The following ACIN1 variants were observed in gnomAD, a reference collection of about 807,000 sequenced individuals.
The protein encoded by ACIN1 is apoptotic chromatin condensation inducer in the nucleus.
In ACIN1, 16 loss-of-function variants were observed where a neutral mutation model predicts 146.6. The observed-to-expected ratio is 0.11, with a 90% CI of 0.07 to 0.17. ACIN1 has a LOEUF of 0.17. Ranked by LOEUF, ACIN1 falls within the 10% of genes least tolerant of loss-of-function variation. The pLI is 1.00. For missense variants in ACIN1, 1,357 were observed against 1,609.3 expected (o/e 0.84, Z 2.68); for synonymous variants, 569 against 582.7 (o/e 0.98, Z 0.34).
chr14:23,061,484 G>T lies in ACIN1; in HGVS notation c.3238C>A (p.Gln1080Lys). Residue 1080 changes from glutamine to lysine, a missense_variant, in exon 17 of 19, where the codon CAG becomes AAG. By Grantham distance (53) the Gln-to-Lys change is moderately conservative. Coordinates refer to ENST00000605057, the MANE Select transcript of ACIN1 (RefSeq NM_001386863.1). ...PQHPRAEQRE[Q>K]ERAVREQWAE... The stretch of plus-strand genomic sequence containing the variant: ...CACTGTTCCCGCACTGCCCGTTCCT[G>T]CTCCCGCTGCTCTGCCCGGGGGTGC... The T allele has an allele frequency of 6.3e-7, 1 of 1,575,944 alleles. No individual in the cohort carries two copies. Among genetic ancestry groups the T allele is most frequent in the Non-Finnish European group, 8.6e-7 (1 of 1,159,158 alleles).
chr14:23,085,246 A>C (rs1056419304), intron 4 of ACIN1, among the ~76,000 whole-genome samples: 3 of 152,038 alleles, frequency 2.0e-5, no homozygotes, highest in African/African-American at 7.2e-5. Flanking sequence ...GAGGCAGGAG[A>C]ACGGCGTGAA....
chr14:23,059,208 C>T lies in ACIN1; in HGVS notation c.3792G>A (p.Lys1264=). Residue 1264 remains lysine, a synonymous_variant, in exon 19 of 19, where the codon AAG becomes AAA. Coordinates refer to ENST00000605057, the MANE Select transcript of ACIN1 (RefSeq NM_001386863.1). ...TCCGACTCCGGCTTCTGCTGTGGCG[C>T]TTGGTGTCCCTGCGATCCCTTTCCC... ...RGRERDRRDT[K]RHSRSRSRST... 1 of 1,614,008 alleles carries T rather than the reference C, an allele frequency of 6.2e-7. No homozygotes were observed. Among genetic ancestry groups the T allele is most frequent in the Non-Finnish European group, 8.5e-7 (1 of 1,180,008 alleles).
Position 23,068,457 on chromosome 14 carries a change from T to C in ACIN1, c.2265+1019A>G. On this transcript the variant is annotated intron_variant, in intron 9 of 18. Transcript: ENST00000605057. The surrounding 1 kb of genome is among the most constrained non-coding windows in gnomAD (Gnocchi z 4.3). ...AAGTCTCTCCAGAACAGTGTTCTTC[T>C]TGGCCCCCTGATGTAAGCAAGACAG... 2.0e-6 allele frequency: 2 copies of C among 985,940 alleles called. No homozygotes were observed. The highest frequency in any genetic ancestry group is 2.4e-6 in the Non-Finnish European group (2 of 829,956). The allele number at this position is 985,940 out of a possible 1,614,324, so 61.1% of individuals were successfully genotyped here.
rs138326972 is a variant in ACIN1, at chr14:23,080,002, G to C, written c.1333C>G (p.Leu445Val). Reference sequence around the variant, plus strand: ...TCAGCCAGTGTGCTTTTCTGAACCAGAGGCAGGACACTCTCCTCTGGCACT... The same window carrying C: ...TCAGCCAGTGTGCTTTTCTGAACCACAGGCAGGACACTCTCCTCTGGCACT... The part of the protein sequence containing the change: ...EKVPEESVLP[L>V]VQKSTLADYS... The change falls in exon 6 of 19, where the codon CTG becomes GTG. Residue 445 changes from leucine (L) to valine (V), a missense_variant. Around this residue, in one of 4 missense-constraint regions of ACIN1, gnomAD observed 771 missense variants for 746.6 expected, o/e 1.03. Transcript: ENST00000605057. The C allele has an allele frequency of 1.8e-4, 287 of 1,614,110 alleles. 3 individuals are homozygous for C. The highest frequency in any genetic ancestry group is 6.6e-4 in the Middle Eastern group (4 of 6,056).
At position 23,074,175 on chromosome 14, in the gene ACIN1, G is replaced by T. The variant is rs144152949; in HGVS notation, c.2123+3976C>A. ...TTTTTAAGAATAAGAATCTTACCACGTTCTCCTTTACCCTCTTAAGACACA... is the reference window on the plus strand; with the variant it reads ...TTTTTAAGAATAAGAATCTTACCACTTTCTCCTTTACCCTCTTAAGACACA... On this transcript the variant is annotated intron_variant, in intron 8 of 18. Coordinates refer to ENST00000605057, the MANE Select transcript of ACIN1 (RefSeq NM_001386863.1). 9.4e-4 allele frequency among the ~76,000 whole-genome samples: 142 copies of T among 151,578 alleles called. 1 individual carries two copies. Among genetic ancestry groups the T allele is most frequent in the African/African-American group, 3.1e-3 (130 of 41,360 alleles).
rs142475412 is a variant in ACIN1 at position 23,066,407 on chromosome 14, C to A, written c.2266-399G>T. On this transcript the variant is annotated intron_variant, in intron 9 of 18. Coordinates refer to ENST00000605057, the MANE Select transcript of ACIN1 (RefSeq NM_001386863.1). ...CAAGCCAAACAAACTGTGCCCCAAA[C>A]TGGGTCATCTAGTCCTCCCAGGTCC... The A allele has an allele frequency of 4.6e-4, 73 of 160,376 alleles. 1 individual carries two copies. The East Asian group carries it at 0.012, about 27-fold the overall frequency. The allele number at this position is 160,376 out of a possible 1,614,324, so 9.9% of individuals were successfully genotyped here.
Position 23,069,644 on chromosome 14 carries a change from G to T in ACIN1, c.2124-27C>A, listed in dbSNP as rs781341975. 30 of 1,157,574 alleles carry T rather than the reference G, an allele frequency of 2.6e-5. 3 individuals are homozygous for T. The highest frequency in any genetic ancestry group is 3.2e-5 in the Non-Finnish European group (25 of 787,686). The allele number at this position is 1,157,574 out of a possible 1,614,324, so 71.7% of individuals were successfully genotyped here. A position where few individuals can be genotyped will look rare whatever the true frequency, so the allele number is the denominator to read the frequency against. ...TGACAGGAGGGGGGAGTGGTGGTGGGGGGGCGGGCAGAAAAGAACCAAGGG... is the reference window on the plus strand; with the variant it reads ...TGACAGGAGGGGGGAGTGGTGGTGGTGGGGCGGGCAGAAAAGAACCAAGGG... On this transcript the variant is annotated intron_variant, in intron 8 of 18. Coordinates refer to ENST00000605057, the MANE Select transcript of ACIN1 (RefSeq NM_001386863.1).
intron 9 of ACIN1, among the ~76,000 whole-genome samples, chr14:23,066,876 A>C (rs2140038415): frequency 6.6e-6 from 1 of 151,814 alleles, no homozygotes; most frequent in East Asian, 1.9e-4. Flanking sequence ...ACGAAAGACT[A>C]TGGGGGGCGG....
In ACIN1 at chr14:23,063,423, A is replaced by G. The variant is rs765267237; in HGVS notation, c.2737+13T>C. 4 of 1,612,930 alleles carry G rather than the reference A, an allele frequency of 2.5e-6. No homozygotes were observed. Among genetic ancestry groups the G allele is most frequent in the South Asian group, 2.2e-5 (2 of 90,860 alleles). ...GGAGCCGCATTACATTTCTCTCACA[A>G]TATGTCACTCACCTTTCTTTACTTC... On this transcript the variant is annotated intron_variant, in intron 13 of 18. Coordinates refer to ENST00000605057, the MANE Select transcript of ACIN1 (RefSeq NM_001386863.1).
At chr14:23,078,715 A>C in intron 7 of ACIN1, 105 bp downstream of exon 7, 1 of 1,231,008 alleles carries the variant, frequency 8.1e-7, no homozygotes. Flanking sequence ...CCACATTTCT[A>C]CTGAACCTTG....
intron 2 of ACIN1, among the ~76,000 whole-genome samples, chr14:23,092,088 C>T (rs1009233723): frequency 1.4e-5 from 2 of 144,572 alleles, no homozygotes; most frequent in African/African-American, 5.3e-5. Flanking sequence ...GGAGCTTATG[C>T]CTTTTCCTAT....
chr14:23,078,983 T>C lies in ACIN1; in HGVS notation c.1844A>G (p.Asp615Gly), dbSNP rs1350535902. 1 of 1,614,198 alleles carries C rather than the reference T, an allele frequency of 6.2e-7. No homozygotes were observed. Residue 615 changes from aspartate to glycine, a missense_variant, in exon 7 of 19, where the codon GAT becomes GGT. This residue lies in a region of ACIN1 where 771 missense variants were observed against 746.6 expected (regional missense o/e 1.03). Transcript: ENST00000605057. ...DSSTSYTETK[D>G]PSSGQEVATP... ...TGCAACCTCCTGACCAGAAGAGGGA[T>C]CTTTGGTTTCAGTATAGCTGGTGCT...
Position 23,081,785 on chromosome 14 carries a change from G to C in ACIN1, c.488C>G (p.Pro163Arg). Residue 163 changes from proline (P) to arginine (R), a missense_variant, in exon 5 of 19, where the codon CCA (proline) becomes CGA (arginine). Pro to Arg is a moderately radical substitution (Grantham distance 103). Coordinates refer to ENST00000605057, the MANE Select transcript of ACIN1 (RefSeq NM_001386863.1). Reference sequence around the variant, plus strand: ...AGATGATCGTCTTTCTCCTTTCCTTGGTTTCTCATCATCAGAGTCACCTTT... The same window carrying C: ...AGATGATCGTCTTTCTCCTTTCCTTCGTTTCTCATCATCAGAGTCACCTTT... Reference protein sequence around the residue: ...EEKGDSDDEKPRKGERRSSRV... With the variant: ...EEKGDSDDEKRRKGERRSSRV... 6.2e-7 allele frequency: 1 copy of C among 1,613,006 alleles called. No homozygotes were observed. Among genetic ancestry groups the C allele is most frequent in the Non-Finnish European group, 8.5e-7 (1 of 1,179,892 alleles).
chr14:23,067,284 ATGAC>A lies in ACIN1; in HGVS notation c.2266-1280_2266-1277del. On this transcript the variant is annotated intron_variant, in intron 9 of 18. Coordinates refer to ENST00000605057, the MANE Select transcript of ACIN1 (RefSeq NM_001386863.1). The surrounding 1 kb of genome is among the most constrained non-coding windows in gnomAD (Gnocchi z 4.6). The stretch of plus-strand genomic sequence containing the variant: ...ATAAAGAAGAAAATAAACTAGGAAT[ATGAC>A]AAATGTTCCAGGTACCATCTCACAC... 1.0e-6 allele frequency: 1 copy of A among 985,030 alleles called. No homozygotes were observed. The highest frequency in any genetic ancestry group is 1.2e-6 in the Non-Finnish European group (1 of 829,176). The allele number at this position is 985,030 out of a possible 1,614,324, so 61.0% of individuals were successfully genotyped here.
At chr14:23,075,876 T>G (rs147116549) in intron 8 of ACIN1, among the ~76,000 whole-genome samples, 6,752 of 152,214 alleles carry the variant, frequency 0.044, 193 homozygotes, top group East Asian at 0.13. Flanking sequence ...TAATTTTGTA[T>G]TTTTAGTAGA....
intron 8 of ACIN1, among the ~76,000 whole-genome samples, chr14:23,073,839 C>CTTTTTT (rs530712203): frequency 7.4e-6 from 1 of 135,856 alleles, no homozygotes; most frequent in African/African-American, 2.8e-5. Flanking sequence ...TTGAAAATTC[C>CTTTTTT]TTTTTTTTTT....
At position 23,078,862 on chromosome 14, in the gene ACIN1, T is replaced by C; in HGVS notation, c.1965A>G (p.Glu655=). ...TCTGGGTCACATGCTTTTCAGCTGA[T>C]TCAGGCTGACTCAGACGCCTTGCTT... The part of the protein sequence containing the change: ...SVQARRLSQP[E]SAEKHVTQRL... The change falls in exon 7 of 19, where the codon GAA becomes GAG. Residue 655 remains glutamate (E), a synonymous_variant. Transcript: ENST00000605057. 1 of 1,613,508 alleles carries C rather than the reference T, an allele frequency of 6.2e-7. No individual in the cohort carries two copies. The highest frequency in any genetic ancestry group is 8.5e-7 in the Non-Finnish European group (1 of 1,180,026).
chr14:23,071,584 G>T, intron 8 of ACIN1: 2 of 1,542,352 alleles, frequency 1.3e-6, no homozygotes, highest in Non-Finnish European at 1.7e-6. Context: ...GCCTGTGTGT[G>T]CGGATGGGGG....
intron 4 of ACIN1, among the ~76,000 whole-genome samples, chr14:23,087,004 T>G (rs974600905): frequency 6.6e-6 from 1 of 150,968 alleles, no homozygotes; most frequent in East Asian, 2.0e-4. Context: ...GGAATCCATA[T>G]TCTTAAACAT....
Sources: allele counts gnomAD v4.1 joint callset (sites outside exome capture counted in the v4.1 genomes callset), GRCh38; gene constraint gnomAD v4.1.1; regional missense constraint gnomAD v4.1.1; non-coding constraint Gnocchi (gnomAD v3.1); transcripts MANE v1.5; gene names NCBI Gene and HGNC (gene_info 2026-07-23, HGNC 2026-07-21).